AGPAT5: variants seen among roughly 807,000 people sequenced by gnomAD.
The protein encoded by AGPAT5 is 1-acylglycerol-3-phosphate O-acyltransferase 5.
In AGPAT5, 46 loss-of-function variants were observed where a neutral mutation model predicts 45.6. That is an observed-to-expected ratio of 1.01 (90% CI 0.80 to 1.29). The LOEUF is 1.29. Among genes scored for constraint, AGPAT5 ranks in the 50% most tolerant of loss-of-function variants. The pLI is 0.00. For missense variants in AGPAT5, 673 were observed against 450.7 expected (o/e 1.49, Z -4.47); for synonymous variants, 272 against 167.0 (o/e 1.63, Z -4.85).
At position 6,736,834 on chromosome 8, in the gene AGPAT5, G is replaced by T. The variant is rs116638744; in HGVS notation, c.495+4184G>T. ...CTGAGAGTAGAGCCTTTGGTGTTTCGTTCACTTGTCTGATTCTCTCTTCAC... is the reference window on the plus strand; with the variant it reads ...CTGAGAGTAGAGCCTTTGGTGTTTCTTTCACTTGTCTGATTCTCTCTTCAC... On this transcript the variant is annotated intron_variant, in intron 4 of 7. Transcript: ENST00000285518. 9.7e-3 allele frequency among the ~76,000 whole-genome samples: 1,471 copies of T among 152,304 alleles called. 34 individuals are homozygous for T. Among genetic ancestry groups the T allele is most frequent in the African/African-American group, 0.033 (1,391 of 41,556 alleles).
chr8:6,741,395 T>C (rs1801240751), intron 4 of AGPAT5, among the ~76,000 whole-genome samples: 1 of 152,150 alleles, frequency 6.6e-6, no homozygotes, highest in Non-Finnish European at 1.5e-5. Flanking sequence ...ATTATTAGCA[T>C]ATAATTAGAA....
At chr8:6,727,704 T>C (rs184017143) in intron 2 of AGPAT5, among the ~76,000 whole-genome samples, 3 of 152,322 alleles carry the variant, frequency 2.0e-5, no homozygotes, top group Admixed American at 2.0e-4. Context: ...TTTAATCTCA[T>C]GAAATGTTCT....
chr8:6,715,470 G>A (rs1337401350), intron 1 of AGPAT5, among the ~76,000 whole-genome samples: 1 of 152,238 alleles, frequency 6.6e-6, no homozygotes, highest in East Asian at 1.9e-4. Flanking sequence ...CTCAGTCGCA[G>A]TTAGTGAGTG....
At position 6,754,819 on chromosome 8, in the gene AGPAT5, G is replaced by A. The variant is rs139818767; in HGVS notation, c.746-232G>A. Among the ~76,000 whole-genome samples, 299 of 152,196 alleles carry A rather than the reference G, an allele frequency of 2.0e-3. 1 individual carries two copies. The highest frequency in any genetic ancestry group is 6.8e-3 in the African/African-American group (283 of 41,502). On this transcript the variant is annotated intron_variant, in intron 6 of 7. Transcript: ENST00000285518. ...CTATTGATTTAACTTAATGACTTAT[G>A]TAATTGTAGTTGACTTAGAAATTAT...
rs958322246 is a variant in AGPAT5 at position 6,760,212 on chromosome 8, C to T, written c.*2824C>T. On this transcript the variant is annotated 3_prime_UTR_variant, in exon 8 of 8. Transcript: ENST00000285518. ...TTCAAGACCAGCCTGGGCAACATAT[C>T]GAGAACCTGTCTACAAAAAAATTAA... 2.6e-5 allele frequency among the ~76,000 whole-genome samples: 4 copies of T among 151,918 alleles called. No individual in the cohort carries two copies. The highest frequency in any genetic ancestry group is 5.9e-5 in the Non-Finnish European group (4 of 67,988).
intron 1 of AGPAT5, 121 bp downstream of exon 1, chr8:6,709,008 G>A: frequency 1.1e-6 from 1 of 935,522 alleles, no homozygotes; most frequent in Non-Finnish European, 1.7e-6. Flanking sequence ...AGCACGGAGA[G>A]CACGTGCCGC....
chr8:6,732,548 T>A lies in AGPAT5; in HGVS notation c.406-13T>A, dbSNP rs754283162. On this transcript the variant is annotated splice_polypyrimidine_tract_variant and intron_variant, in intron 3 of 7. Transcript: ENST00000285518. ...AAAAGTAAATGCTCTTTCTCCCGAT[T>A]TGATTGTGGCAGCATGGAGGAATCT... The A allele has an allele frequency of 6.3e-7, 1 of 1,581,150 alleles. No individual in the cohort carries two copies.
intron 1 of AGPAT5, among the ~76,000 whole-genome samples, chr8:6,722,055 A>G (rs1472716294): frequency 6.6e-6 from 1 of 152,140 alleles, no homozygotes; most frequent in Non-Finnish European, 1.5e-5. Flanking sequence ...GTGACTAGTC[A>G]AAGGAGAAGA....
intron 3 of AGPAT5, 45 bp downstream of exon 3, chr8:6,730,871 A>AAT: frequency 2.1e-6 from 2 of 935,916 alleles, no homozygotes; most frequent in Non-Finnish European, 3.0e-6. Flanking sequence ...TAGTTTATAA[A>AAT]TTTTTTTTTT....
rs565407512 is a variant in AGPAT5 at position 6,712,426 on chromosome 8, T to C, written c.219+3539T>C. Reference sequence around the variant, plus strand: ...AAATCCTGATAAATTAAAGGTGATATAACTTCTAAGACAATTAATTATGTA... The same window carrying C: ...AAATCCTGATAAATTAAAGGTGATACAACTTCTAAGACAATTAATTATGTA... On this transcript the variant is annotated intron_variant, in intron 1 of 7. Transcript: ENST00000285518. 2.4e-4 allele frequency among the ~76,000 whole-genome samples: 37 copies of C among 152,278 alleles called. No individual in the cohort carries two copies. The South Asian group carries it at 7.7e-3, about 32-fold the overall frequency.
intron 5 of AGPAT5, among the ~76,000 whole-genome samples, chr8:6,742,385 G>A (rs994748522): frequency 1.3e-5 from 2 of 152,190 alleles, no homozygotes; most frequent in Admixed American, 6.5e-5. Flanking sequence ...AATAAGCTAT[G>A]CAATTTAACC....
chr8:6,722,670 G>C (rs1271464082), intron 1 of AGPAT5, among the ~76,000 whole-genome samples: 1 of 152,182 alleles, frequency 6.6e-6, no homozygotes, highest in Non-Finnish European at 1.5e-5. Flanking sequence ...AGGTGAAACT[G>C]GTCCGCATCT....
intron 4 of AGPAT5, among the ~76,000 whole-genome samples, chr8:6,739,073 T>G (rs1801150813): frequency 6.6e-6 from 1 of 152,118 alleles, no homozygotes; most frequent in Non-Finnish European, 1.5e-5. Flanking sequence ...CCCCAATGTT[T>G]GAAATAAGTA....
intron 2 of AGPAT5, among the ~76,000 whole-genome samples, chr8:6,729,345 C>CATTT: frequency 7.0e-6 from 1 of 143,210 alleles, no homozygotes; most frequent in East Asian, 2.0e-4. Flanking sequence ...TTTCTACAGA[C>CATTT]TTTTTTTTTT....
At chr8:6,728,079 G>C (rs1265376344) in intron 2 of AGPAT5, among the ~76,000 whole-genome samples, 5 of 152,200 alleles carry the variant, frequency 3.3e-5, no homozygotes, top group African/African-American at 1.2e-4. Context: ...GGACTACACA[G>C]GGCCCTCATG....
chr8:6,727,856 G>A (rs530981358), intron 2 of AGPAT5, among the ~76,000 whole-genome samples: 6 of 152,336 alleles, frequency 3.9e-5, no homozygotes, highest in East Asian at 1.9e-4. Flanking sequence ...AATAGGCTGT[G>A]TGTCAGTGGG....
intron 6 of AGPAT5, among the ~76,000 whole-genome samples, chr8:6,748,340 G>C (rs1023829140): frequency 6.6e-6 from 1 of 152,134 alleles, no homozygotes; most frequent in Non-Finnish European, 1.5e-5. Flanking sequence ...TTTTAAGTGA[G>C]CAGGATAACT....
chr8:6,749,601 C>G (rs753457481), intron 6 of AGPAT5, among the ~76,000 whole-genome samples: 5 of 152,138 alleles, frequency 3.3e-5, no homozygotes, highest in Non-Finnish European at 7.3e-5. Context: ...TTAAGTATAT[C>G]TTCTTATTCT....
rs913683150 is a variant in AGPAT5 at position 6,732,568 on chromosome 8, G to C, written c.413G>C (p.Gly138Ala). Residue 138 changes from glycine to alanine, a missense_variant, in exon 4 of 8, where the codon GGA becomes GCA. By Grantham distance (60) the Gly-to-Ala change is moderately conservative. Coordinates refer to ENST00000285518, the MANE Select transcript of AGPAT5 (RefSeq NM_018361.5). Reference sequence around the variant, plus strand: ...CCGATTTGATTGTGGCAGCATGGAGGAATCTATGTAAAGCGCAGTGCCAAA... The same window carrying C: ...CCGATTTGATTGTGGCAGCATGGAGCAATCTATGTAAAGCGCAGTGCCAAA... ...LYGCYFAQHG[G>A]IYVKRSAKFN... 4 of 1,601,558 alleles carry C rather than the reference G, an allele frequency of 2.5e-6. No homozygotes were observed. The African/African-American group carries it at 4.0e-5, about 16-fold the overall frequency.
Sources: gnomAD v4.1 joint callset for allele counts (sites outside exome capture counted in the v4.1 genomes callset) on GRCh38, gnomAD v4.1.1 for gene constraint, MANE v1.5 for transcripts, NCBI Gene and HGNC (gene_info 2026-07-23, HGNC 2026-07-21) for gene names.